The following SLC14A2 variants were observed in gnomAD, a reference collection of about 807,000 sequenced individuals.
SLC14A2 encodes the protein urea transporter 2.
A neutral mutation model predicts 104.6 loss-of-function variants in SLC14A2; 91 were observed. The observed-to-expected ratio is 0.87, with a 90% confidence interval of 0.73 to 1.04. SLC14A2 has a LOEUF of 1.04. Among genes scored for constraint, SLC14A2 ranks in the 50% least tolerant of loss-of-function variants. The pLI, the probability that SLC14A2 is intolerant of heterozygous loss-of-function variation, is 0.00. For missense variants in SLC14A2, 1,189 were observed against 1,156.0 expected (o/e 1.03, Z -0.41); for synonymous variants, 476 against 466.4 (o/e 1.02, Z -0.27).
At chr18:45,365,943 A>C (rs2085661194) in intron 1 of SLC14A2, among the ~76,000 whole-genome samples, 1 of 151,704 alleles carries the variant, frequency 6.6e-6, no homozygotes, top group Non-Finnish European at 1.5e-5. Flanking sequence ...CTGGGGCTAG[A>C]TTATCCCATA....
chr18:45,477,831 C>T (rs2087413601), intron 1 of SLC14A2, among the ~76,000 whole-genome samples: 1 of 152,178 alleles, frequency 6.6e-6, no homozygotes, highest in African/African-American at 2.4e-5. Context: ...GATGCCCTTA[C>T]CCCAACCAAC....
chr18:45,267,897 G>A (rs1377292216), intron 1 of SLC14A2, among the ~76,000 whole-genome samples: 1 of 152,160 alleles, frequency 6.6e-6, no homozygotes, highest in Non-Finnish European at 1.5e-5. Flanking sequence ...GTAGAGAACA[G>A]TTTGGCGTGG....
intron 18 of SLC14A2, 49 bp from the exon 19 acceptor site, chr18:45,678,926 T>C (rs1020704022): frequency 3.3e-6 from 5 of 1,495,940 alleles, no homozygotes; most frequent in Non-Finnish European, 3.7e-6. Context: ...CTTGAGGTGC[T>C]ATTAAATAGT....
chr18:45,204,388 G>A, the SLC14A2 span, among the ~76,000 whole-genome samples: 2 of 152,224 alleles, frequency 1.3e-5, no homozygotes, highest in Admixed American at 1.3e-4. Flanking sequence ...ATCACCGTGT[G>A]TGATTGTAGA....
chr18:45,607,559 C>T lies in SLC14A2; in HGVS notation c.-34-17072C>T, dbSNP rs542242270. ...GGTTCCTGCTAGGAGACCACCTTAT[C>T]TGATCCTTAAAGAGCTATTAATGGC... On this transcript the variant is annotated intron_variant, in intron 2 of 20. Transcript: ENST00000586448. 5.9e-5 allele frequency among the ~76,000 whole-genome samples: 9 copies of T among 152,340 alleles called. No individual in the cohort carries two copies. The South Asian group carries it at 1.9e-3, about 32-fold the overall frequency.
chr18:45,449,879 G>T (rs1467991684), intron 1 of SLC14A2, among the ~76,000 whole-genome samples: 1 of 152,140 alleles, frequency 6.6e-6, no homozygotes, highest in Non-Finnish European at 1.5e-5. Context: ...ATTGGTCATA[G>T]ATCATGTGTG....
intron 1 of SLC14A2, among the ~76,000 whole-genome samples, chr18:45,346,594 C>A (rs1223842170): frequency 6.6e-6 from 1 of 152,122 alleles, no homozygotes; most frequent in Non-Finnish European, 1.5e-5. Flanking sequence ...TTCTGATAAG[C>A]AGGAGTTTGG....
At position 45,620,026 on chromosome 18, in the gene SLC14A2, C is replaced by T. The variant is rs188184883; in HGVS notation, c.-35+4444C>T. Among the ~76,000 whole-genome samples, 579 of 152,340 alleles carry T rather than the reference C, an allele frequency of 3.8e-3. 3 individuals carry two copies. The highest frequency in any genetic ancestry group is 6.1e-3 in the Non-Finnish European group (416 of 68,028). ...TCACAGCCTGTGCTCCTTCCGGATGCGGAGACTTGCTCTCCACAGGGCCAT... is the reference window on the plus strand; with the variant it reads ...TCACAGCCTGTGCTCCTTCCGGATGTGGAGACTTGCTCTCCACAGGGCCAT... On this transcript the variant is annotated intron_variant, in intron 1 of 19. Transcript: ENST00000255226.
intron 1 of SLC14A2, among the ~76,000 whole-genome samples, chr18:45,291,054 G>T (rs2084864685): frequency 6.6e-6 from 1 of 152,214 alleles, no homozygotes; most frequent in African/African-American, 2.4e-5. Flanking sequence ...GTTGTGTCAT[G>T]TGGGTTGAGT....
At chr18:45,588,449 G>T (rs1390401394) in intron 2 of SLC14A2, among the ~76,000 whole-genome samples, 1 of 152,208 alleles carries the variant, frequency 6.6e-6, no homozygotes, top group African/African-American at 2.4e-5. Context: ...TCTCCCTAAT[G>T]AAGTCATCCC....
At chr18:45,598,900 TC>T (rs2044750281) in intron 2 of SLC14A2, among the ~76,000 whole-genome samples, 1 of 152,184 alleles carries the variant, frequency 6.6e-6, no homozygotes, top group African/African-American at 2.4e-5. Context: ...TTTTTAACTT[TC>T]TTACCCCAAG....
At chr18:45,403,697 A>G (rs961062441) in intron 1 of SLC14A2, among the ~76,000 whole-genome samples, 9 of 152,166 alleles carry the variant, frequency 5.9e-5, no homozygotes, top group Non-Finnish European at 1.5e-5. Flanking sequence ...TGCTGTATCT[A>G]TTCTTCTTTC....
intron 1 of SLC14A2, among the ~76,000 whole-genome samples, chr18:45,408,018 T>G (rs1706037373): frequency 6.6e-6 from 1 of 152,222 alleles, no homozygotes; most frequent in South Asian, 2.1e-4. Context: ...CCAGCAGACT[T>G]GTTCAAGGCA....
chr18:45,466,941 G>A (rs780403367), intron 1 of SLC14A2, among the ~76,000 whole-genome samples: 1 of 151,956 alleles, frequency 6.6e-6, no homozygotes, highest in Non-Finnish European at 1.5e-5. Context: ...CTTCTCCCGC[G>A]GAGCTCTAAT....
chr18:45,546,492 T>C (rs2043971518), intron 2 of SLC14A2, among the ~76,000 whole-genome samples: 1 of 152,230 alleles, frequency 6.6e-6, no homozygotes, highest in Non-Finnish European at 1.5e-5. Flanking sequence ...AAGCTGCCTC[T>C]GTTTCTAACA....
intron 1 of SLC14A2, among the ~76,000 whole-genome samples, chr18:45,473,643 G>T (rs528998467): frequency 2.1e-4 from 32 of 152,114 alleles, no homozygotes; most frequent in Non-Finnish European, 4.6e-4. Context: ...TGTAGCAGTT[G>T]CGAACAGGAG....
At chr18:45,240,942 G>A (rs546220411) in intron 1 of SLC14A2, among the ~76,000 whole-genome samples, 3 of 152,266 alleles carry the variant, frequency 2.0e-5, no homozygotes, top group African/African-American at 7.2e-5. Context: ...ACAGTCGTGA[G>A]CCACCGCGCC....
intron 1 of SLC14A2, among the ~76,000 whole-genome samples, chr18:45,319,648 G>A (rs1259582238): frequency 6.6e-6 from 1 of 152,166 alleles, no homozygotes; most frequent in African/African-American, 2.4e-5. Flanking sequence ...AGACCAATTA[G>A]GTTATAGACT....
chr18:45,643,186 G>A lies in SLC14A2; in HGVS notation c.1176+5G>A. 6.2e-7 allele frequency: 1 copy of A among 1,613,426 alleles called. No individual in the cohort carries two copies. Among genetic ancestry groups the A allele is most frequent in the Non-Finnish European group, 8.5e-7 (1 of 1,179,310 alleles). ...ATCTCCAACATCATGTCAGTGGTAA[G>A]TGTGGATTCTCCTGAACACTACCCC... On this transcript the variant is annotated splice_donor_5th_base_variant and intron_variant, in intron 9 of 19. Transcript: ENST00000255226.
Sources: gnomAD v4.1 joint callset for allele counts (sites outside exome capture counted in the v4.1 genomes callset) on GRCh38, gnomAD v4.1.1 for gene constraint, MANE v1.5 for transcripts, NCBI Gene and HGNC (gene_info 2026-07-23, HGNC 2026-07-21) for gene names.